Variants in ZNF397 observed in about 807,000 individuals in gnomAD.
ZNF397 encodes zinc finger and SCAN domain-containing protein 15.
A neutral mutation model predicts 50.6 loss-of-function variants in ZNF397; 38 were observed. That is an observed-to-expected ratio of 0.75 (90% CI 0.58 to 0.98). The LOEUF (loss-of-function observed/expected upper bound fraction) is 0.98, where lower values mean the gene tolerates loss of function less well. Ranked by LOEUF, ZNF397 falls within the 50% of genes least tolerant of loss-of-function variation. ZNF397 has a pLI of 0.00. For missense variants in ZNF397, 624 were observed against 624.1 expected, an observed-to-expected ratio of 1.00 and a Z score of 0.00; for synonymous variants, 228 against 215.2, an observed-to-expected ratio of 1.06 and a Z score of -0.52.
chr18:35,250,967 ATCT>A (rs770734576), downstream of ZNF397: 3 of 152,248 alleles, frequency 2.0e-5, no homozygotes, highest in Admixed American at 6.5e-5. Flanking sequence ...CCAGTTCCCT[ATCT>A]TCTTCCCACA....
At position 35,242,557 on chromosome 18, in the gene ZNF397, CTT is replaced by C. The variant is rs1330419341; in HGVS notation, c.90_91del (p.Ser31LeufsTer3). 1 of 1,614,100 alleles carries C rather than the reference CTT, an allele frequency of 6.2e-7. No individual in the cohort carries two copies. On this transcript the variant is annotated frameshift_variant, in exon 2 of 4. Transcript: ENST00000330501. LOFTEE classifies it high-confidence loss of function. The part of the protein sequence containing the change: ...ELILVKVEDN[F>X]SWDEKFKQNG... The stretch of plus-strand genomic sequence containing the variant: ...TAATACTAGTGAAAGTAGAAGATAA[CTT>C]TTCCTGGGATGAGAAATTTAAGCAG...
chr18:35,245,625 A>G lies in ZNF397; in HGVS notation c.920A>G (p.His307Arg), dbSNP rs2043465131. 6.4e-7 allele frequency: 1 copy of G among 1,554,632 alleles called. No homozygotes were observed. The highest frequency in any genetic ancestry group is 1.2e-5 in the South Asian group (1 of 84,208). Residue 307 changes from histidine to arginine, a missense_variant, in exon 4 of 4, where the codon CAT (histidine) becomes CGT (arginine). By Grantham distance (29) the His-to-Arg change is conservative. Transcript: ENST00000330501. ...HSSLTQHQRI[H>R]TGEKPYKCNQ... ...TCTCTAACACAACATCAGAGAATCCATACTGGAGAAAAGCCCTATAAATGT... is the reference window on the plus strand; with the variant it reads ...TCTCTAACACAACATCAGAGAATCCGTACTGGAGAAAAGCCCTATAAATGT...
chr18:35,241,244 G>A (rs1912467050), intron 1 of ZNF397, 135 bp downstream of exon 1: 1 of 152,204 alleles, frequency 6.6e-6, no homozygotes, highest in Non-Finnish European at 1.5e-5. Context: ...CAAGCGACTG[G>A]GGAACTCAGA....
intron 5 of ZNF397, among the ~76,000 whole-genome samples, chr18:35,255,174 CT>C (rs554196354): frequency 1.0e-3 from 158 of 151,188 alleles, no homozygotes; most frequent in Middle Eastern, 3.2e-3. Flanking sequence ...AGAGCCAGAC[CT>C]TCTGGCTCTC....
downstream of ZNF397, chr18:35,254,025 A>T: frequency 1.2e-6 from 2 of 1,614,194 alleles, no homozygotes; most frequent in Non-Finnish European, 1.7e-6. Context: ...CCACAGTCAA[A>T]GCACTCATAG....
Position 35,246,782 on chromosome 18 carries a change from A to G in ZNF397, c.*472A>G, listed in dbSNP as rs574584378. ...GAAAGGTGGGGAAATGGCTTCATCAATGATTTGTTGAGCCCAGGGCAGGCC... is the reference window on the plus strand; with the variant it reads ...GAAAGGTGGGGAAATGGCTTCATCAGTGATTTGTTGAGCCCAGGGCAGGCC... On this transcript the variant is annotated 3_prime_UTR_variant, in exon 4 of 4. Coordinates refer to ENST00000330501, the MANE Select transcript of ZNF397 (RefSeq NM_001135178.3). 551 of 987,310 alleles carry G rather than the reference A, an allele frequency of 5.6e-4. No individual in the cohort carries two copies. The highest frequency in any genetic ancestry group is 1.4e-3 in the Admixed American group (23 of 16,420). 61.2% of individuals were successfully genotyped at this position (987,310 alleles called of 1,614,324 possible).
In ZNF397 at chr18:35,247,192, C is replaced by G. The variant is rs981353825; in HGVS notation, c.*882C>G. On this transcript the variant is annotated 3_prime_UTR_variant, in exon 4 of 4. Transcript: ENST00000330501. ...GTCTGGGTCTGGCCAGACTCTTAAG[C>G]AGTGCCAATGGAGAAGTTCCTGTTA... The G allele has an allele frequency of 1.0e-6, 1 of 985,308 alleles. No individual in the cohort carries two copies. The highest frequency in any genetic ancestry group is 1.1e-4 in the East Asian group (1 of 8,818). The allele number at this position is 985,308 out of a possible 1,614,324, so 61.0% of individuals were successfully genotyped here. A position where few individuals can be genotyped will look rare whatever the true frequency, so the allele number is the denominator to read the frequency against.
chr18:35,256,770 T>C (rs1190939735), intron 5 of ZNF397, among the ~76,000 whole-genome samples: 1 of 151,088 alleles, frequency 6.6e-6, no homozygotes, highest in Non-Finnish European at 1.5e-5. Context: ...TTTGTTGTTG[T>C]TGTTGTTGTT....
Position 35,247,734 on chromosome 18 carries a change from G to A in ZNF397, c.*1424G>A, listed in dbSNP as rs1343309954. ...TGTCCAGGCTGGAGTGCAATGGCACGATCTTGGCTCACCGCAAACTCTGCC... is the reference window on the plus strand; with the variant it reads ...TGTCCAGGCTGGAGTGCAATGGCACAATCTTGGCTCACCGCAAACTCTGCC... On this transcript the variant is annotated 3_prime_UTR_variant, in exon 4 of 4. Coordinates refer to ENST00000330501, the MANE Select transcript of ZNF397 (RefSeq NM_001135178.3). The A allele has an allele frequency of 2.4e-5, 3 of 127,090 alleles. No individual in the cohort carries two copies. Among genetic ancestry groups the A allele is most frequent in the Non-Finnish European group, 4.7e-5 (3 of 64,024 alleles). The allele number at this position is 127,090 out of a possible 1,614,324, so 7.9% of individuals were successfully genotyped here. A position where few individuals can be genotyped will look rare whatever the true frequency, so the allele number is the denominator to read the frequency against.
Position 35,246,787 on chromosome 18 carries a change from T to C in ZNF397, c.*477T>C. On this transcript the variant is annotated 3_prime_UTR_variant, in exon 4 of 4. Transcript: ENST00000330501. ...GTGGGGAAATGGCTTCATCAATGAT[T>C]TGTTGAGCCCAGGGCAGGCCAGGAA... The C allele has an allele frequency of 1.0e-6, 1 of 986,620 alleles. No individual in the cohort carries two copies. Among genetic ancestry groups the C allele is most frequent in the Non-Finnish European group, 1.2e-6 (1 of 831,252 alleles). 61.1% of individuals were successfully genotyped at this position (986,620 alleles called of 1,614,324 possible). A position where few individuals can be genotyped will look rare whatever the true frequency, so the allele number is the denominator to read the frequency against.
downstream of ZNF397, chr18:35,254,630 GT>G: frequency 1.7e-6 from 1 of 603,830 alleles, no homozygotes; most frequent in Non-Finnish European, 2.8e-6. Flanking sequence ...AAAGACATTA[GT>G]TAGAGGGAAT....
chr18:35,249,820 G>T (rs1165030860), downstream of ZNF397: 1 of 152,002 alleles, frequency 6.6e-6, no homozygotes, highest in Admixed American at 6.6e-5. Flanking sequence ...TGCTATACTG[G>T]TTATGTGTGG....
At chr18:35,243,080 C>T in intron 2 of ZNF397, 72 bp from the exon 3 acceptor site, 1 of 1,603,810 alleles carries the variant, frequency 6.2e-7, no homozygotes, top group East Asian at 2.2e-5. Flanking sequence ...TCATTGACCT[C>T]TTTGAGATTT....
rs184525398 is a variant in ZNF397, at chr18:35,246,385, A to C, written c.*75A>C. 428 of 1,463,882 alleles carry C rather than the reference A, an allele frequency of 2.9e-4. No homozygotes were observed. Among genetic ancestry groups the C allele is most frequent in the Non-Finnish European group, 3.6e-4 (399 of 1,109,316 alleles). The allele number at this position is 1,463,882 out of a possible 1,614,324, so 90.7% of individuals were successfully genotyped here. A position where few individuals can be genotyped will look rare whatever the true frequency, so the allele number is the denominator to read the frequency against. ...TGTTAGTCAAAAGAGTTTACTTTGG[A>C]GCAAAACTCCATAAAGGTTATAAAA... On this transcript the variant is annotated 3_prime_UTR_variant, in exon 4 of 4. Transcript: ENST00000330501.
chr18:35,245,231 A>T (rs758491628), intron 3 of ZNF397, 31 bp from the exon 4 acceptor site: 4 of 1,545,478 alleles, frequency 2.6e-6, no homozygotes, highest in Non-Finnish European at 3.5e-6. Flanking sequence ...GAGAAATGTA[A>T]TATCTGTTTT....
At chr18:35,241,676 G>A (rs1277084320) in intron 1 of ZNF397, 1 of 152,184 alleles carries the variant, frequency 6.6e-6, no homozygotes, top group Non-Finnish European at 1.5e-5. Context: ...TACCTATCAT[G>A]TTTTTGAACA....
In ZNF397 at chr18:35,246,069, G is replaced by A. The variant is rs1374628282; in HGVS notation, c.1364G>A (p.Cys455Tyr). The A allele has an allele frequency of 3.2e-6, 5 of 1,559,456 alleles. No homozygotes were observed. In the African/African-American group the frequency reaches 6.8e-5, roughly 21 times the overall value. The change falls in exon 4 of 4, where the codon TGT becomes TAT. Residue 455 changes from cysteine (C) to tyrosine (Y), a missense_variant. Coordinates refer to ENST00000330501, the MANE Select transcript of ZNF397 (RefSeq NM_001135178.3). ...RIHSGEKPYE[C>Y]SECGKAFSLS... The stretch of plus-strand genomic sequence containing the variant: ...CATAGTGGAGAGAAACCCTATGAAT[G>A]TAGTGAATGTGGAAAAGCTTTCAGT...
chr18:35,254,011 C>G (rs754394428), downstream of ZNF397: 1 of 1,614,214 alleles, frequency 6.2e-7, no homozygotes, highest in Non-Finnish European at 8.5e-7. Flanking sequence ...GGCAAAAGGC[C>G]TTCCCACAGT....
intron 3 of ZNF397, 25 bp from the exon 4 acceptor site, chr18:35,245,237 G>C (rs377109456): frequency 1.3e-5 from 21 of 1,555,856 alleles, no homozygotes; most frequent in Non-Finnish European, 1.7e-5. Flanking sequence ...TGTAATATCT[G>C]TTTTTTTGCT....
Sources: allele counts gnomAD v4.1 joint callset (sites outside exome capture counted in the v4.1 genomes callset), GRCh38; gene constraint gnomAD v4.1.1; transcripts MANE v1.5; gene names NCBI Gene and HGNC (gene_info 2026-07-23, HGNC 2026-07-21).